VPS35L: variants seen among roughly 807,000 people sequenced by gnomAD.
VPS35L encodes VPS35 endosomal protein sorting factor like, also known as VPS35 endosomal protein-sorting factor-like.
Under a neutral mutation model 133.0 loss-of-function variants are expected in VPS35L, and 83 were observed. The observed-to-expected ratio is 0.62, with a 90% CI of 0.52 to 0.75. The LOEUF (loss-of-function observed/expected upper bound fraction) is 0.75. VPS35L is among the 30% of genes least tolerant of loss of function. The pLI is 0.00. For synonymous variants in VPS35L, 423 were observed against 449.9 expected (o/e 0.94, Z 0.76); for missense variants, 1,083 against 1,206.8 (o/e 0.90, Z 1.52).
chr16:19,660,091 C>T lies in VPS35L; in HGVS notation c.2221+8001C>T, dbSNP rs1024697411. Among the ~76,000 whole-genome samples the T allele has an allele frequency of 6.6e-4, 100 of 152,058 alleles. 1 individual carries two copies. Among genetic ancestry groups the T allele is most frequent in the African/African-American group, 2.2e-3 (93 of 41,492 alleles). On this transcript the variant is annotated intron_variant, in intron 26 of 30. Coordinates refer to ENST00000417362, the MANE Select transcript of VPS35L (RefSeq NM_020314.7). ...CTGTAATCCCAGCACTTTGGGAGGC[C>T]GAGACGGTGGATCACTAGAGGCTAG...
Position 19,700,635 on chromosome 16 carries a change from T to C in VPS35L, c.*159T>C. On this transcript the variant is annotated 3_prime_UTR_variant, in exon 31 of 31. Transcript: ENST00000417362. ...GCTTTGGCCTCTATCCAGGTTATTC[T>C]GACAATGAAGAAATGGGAGTTGTCA... 1 of 615,816 alleles carries C rather than the reference T, an allele frequency of 1.6e-6. No individual in the cohort carries two copies. Among genetic ancestry groups the C allele is most frequent in the South Asian group, 2.2e-5 (1 of 44,454 alleles). The allele number at this position is 615,816 out of a possible 1,614,324, so 38.1% of individuals were successfully genotyped here.
chr16:19,655,155 A>G (rs1974257930), intron 26 of VPS35L, among the ~76,000 whole-genome samples: 1 of 152,178 alleles, frequency 6.6e-6, no homozygotes, highest in Admixed American at 6.5e-5. Context: ...CCTCGGTGTC[A>G]GGACTCTGGG....
At chr16:19,659,105 A>T (rs1225797415) in intron 26 of VPS35L, among the ~76,000 whole-genome samples, 1 of 152,190 alleles carries the variant, frequency 6.6e-6, no homozygotes, top group Non-Finnish European at 1.5e-5. Flanking sequence ...ATTATTACGG[A>T]TTGAGCATTA....
chr16:19,567,906 G>T (rs1226737485), intron 2 of VPS35L, among the ~76,000 whole-genome samples: 1 of 151,704 alleles, frequency 6.6e-6, no homozygotes, highest in African/African-American at 2.4e-5. Context: ...GGATGTCGAG[G>T]GTACAGTGAA....
chr16:19,598,656 C>T (rs1461807794), intron 8 of VPS35L, among the ~76,000 whole-genome samples: 2 of 151,800 alleles, frequency 1.3e-5, no homozygotes, highest in Non-Finnish European at 2.9e-5. Context: ...AGGTGGTGTG[C>T]GCCTGTGGTC....
intron 14 of VPS35L, among the ~76,000 whole-genome samples, chr16:19,624,853 C>G (rs1031110732): frequency 2.0e-5 from 3 of 152,144 alleles, no homozygotes; most frequent in Non-Finnish European, 4.4e-5. Context: ...CTCACAAGGA[C>G]ATGGTGAAGA....
chr16:19,627,942 T>C, intron 16 of VPS35L, 137 bp downstream of exon 16: 2 of 694,662 alleles, frequency 2.9e-6, no homozygotes, highest in East Asian at 2.6e-5. Flanking sequence ...AGGAACGCAA[T>C]GGAAGATGAG....
At chr16:19,690,337 G>A (rs955505093) in intron 28 of VPS35L, among the ~76,000 whole-genome samples, 1 of 152,208 alleles carries the variant, frequency 6.6e-6, no homozygotes, top group African/African-American at 2.4e-5. Context: ...AGGAGGGAGG[G>A]AGGAGGAAGG....
chr16:19,651,999 C>T lies in VPS35L; in HGVS notation c.2130C>T (p.Ile710=). 1 of 1,612,998 alleles carries T rather than the reference C, an allele frequency of 6.2e-7. No homozygotes were observed. The highest frequency in any genetic ancestry group is 8.5e-7 in the Non-Finnish European group (1 of 1,179,228). The change falls in exon 26 of 31, where the codon ATC becomes ATT. Residue 710 remains isoleucine, a synonymous_variant. Coordinates refer to ENST00000417362, the MANE Select transcript of VPS35L (RefSeq NM_020314.7). ...AGGCCTGTGTTGCCTACTGCTTCAT[C>T]ACCATCCCCTCCCTGGCGGGCATCT... The part of the protein sequence containing the change: ...FVRACVAYCF[I]TIPSLAGIFT...
chr16:19,664,712 C>T (rs1022947555), intron 26 of VPS35L, among the ~76,000 whole-genome samples: 1 of 151,960 alleles, frequency 6.6e-6, no homozygotes, highest in African/African-American at 2.4e-5. Flanking sequence ...CCAGCTTGCC[C>T]AACATGGTGA....
intron 6 of VPS35L, 120 bp downstream of exon 6, chr16:19,579,248 C>A: frequency 1.1e-6 from 1 of 903,682 alleles, no homozygotes; most frequent in Non-Finnish European, 1.7e-6. Flanking sequence ...GTGCTTGGTC[C>A]TCTCGAGGCA....
chr16:19,682,409 C>G lies in VPS35L; in HGVS notation c.2527+19C>G. 1.2e-6 allele frequency: 2 copies of G among 1,609,846 alleles called. No homozygotes were observed. The highest frequency in any genetic ancestry group is 1.7e-6 in the Non-Finnish European group (2 of 1,176,970). On this transcript the variant is annotated intron_variant, in intron 28 of 30. Transcript: ENST00000417362. ...GACAAAGGTAGCAGAGCCTCCCCCACCAAACCATGCTCCGCATGGATTTCA... is the reference window on the plus strand; with the variant it reads ...GACAAAGGTAGCAGAGCCTCCCCCAGCAAACCATGCTCCGCATGGATTTCA...
chr16:19,649,628 T>A (rs1179974020), intron 24 of VPS35L, among the ~76,000 whole-genome samples: 1 of 152,220 alleles, frequency 6.6e-6, no homozygotes, highest in African/African-American at 2.4e-5. Context: ...GTGGCGCCCC[T>A]GTGAGTTTGC....
At chr16:19,670,773 C>G (rs1408408518) in intron 27 of VPS35L, among the ~76,000 whole-genome samples, 2 of 152,128 alleles carry the variant, frequency 1.3e-5, no homozygotes, top group Non-Finnish European at 2.9e-5. Context: ...AACTTGGAGT[C>G]CATCTACTCC....
Position 19,555,760 on chromosome 16 carries a change from GGCGGGT to G in VPS35L, c.17+16_17+21del. ...CGTCTTTCCTTGGTAAGGAAGCAGC[GGCGGGT>G]GGGCTTTGGAGAGGGGCTGTCCTTA... On this transcript the variant is annotated intron_variant, in intron 1 of 30. Coordinates refer to ENST00000417362, the MANE Select transcript of VPS35L (RefSeq NM_020314.7). 1.9e-6 allele frequency: 3 copies of G among 1,569,088 alleles called. No homozygotes were observed. The highest frequency in any genetic ancestry group is 2.6e-6 in the Non-Finnish European group (3 of 1,158,408).
At chr16:19,556,869 A>T (rs987530884) in intron 1 of VPS35L, among the ~76,000 whole-genome samples, 15 of 150,350 alleles carry the variant, frequency 1.0e-4, no homozygotes, top group Admixed American at 2.7e-4. Flanking sequence ...TCACGCCTGT[A>T]ATCCCAGCAC....
chr16:19,649,943 T>G (rs529152712), intron 24 of VPS35L, among the ~76,000 whole-genome samples: 38 of 152,336 alleles, frequency 2.5e-4, no homozygotes, highest in African/African-American at 9.1e-4. Flanking sequence ...ATGATGTGGC[T>G]ACTATCATTA....
intron 26 of VPS35L, among the ~76,000 whole-genome samples, chr16:19,658,259 G>T (rs886974197): frequency 1.3e-5 from 2 of 152,202 alleles, no homozygotes; most frequent in African/African-American, 2.4e-5. Flanking sequence ...GCTGGGCGCG[G>T]TGGCTCAGAC....
intron 29 of VPS35L, among the ~76,000 whole-genome samples, chr16:19,697,386 T>TG (rs1483960262): frequency 6.6e-6 from 1 of 152,164 alleles, no homozygotes; most frequent in Non-Finnish European, 1.5e-5. Context: ...TGCCCAGGCT[T>TG]GAGTGCGGTG....
Sources: gnomAD v4.1 joint callset for allele counts (sites outside exome capture counted in the v4.1 genomes callset) on GRCh38, gnomAD v4.1.1 for gene constraint, MANE v1.5 for transcripts, NCBI Gene and HGNC (gene_info 2026-07-23, HGNC 2026-07-21) for gene names.